The following GAP43 variants were observed in gnomAD, a reference collection of about 807,000 sequenced individuals.
GAP43 encodes the protein growth associated protein 43, also known as neuromodulin.
Under a neutral mutation model 18.6 loss-of-function variants are expected in GAP43, and 6 were observed. The observed-to-expected ratio is 0.32, with a 90% CI of 0.18 to 0.64. GAP43 has a LOEUF of 0.64. GAP43 is among the 30% of genes least tolerant of loss of function. GAP43 has a pLI of 0.78. For missense variants in GAP43, 292 were observed against 295.5 expected (o/e 0.99, Z 0.09); for synonymous variants, 115 against 111.4 (o/e 1.03, Z -0.20).
At chr3:115,647,797 C>A (rs1223293820) in intron 1 of GAP43, among the ~76,000 whole-genome samples, 1 of 149,942 alleles carries the variant, frequency 6.7e-6, no homozygotes, top group Non-Finnish European at 1.5e-5. Flanking sequence ...GAACTTTGTG[C>A]CATTAGCAGC....
At chr3:115,697,219 G>A (rs187306726) in intron 2 of GAP43, among the ~76,000 whole-genome samples, 49 of 137,492 alleles carry the variant, frequency 3.6e-4, no homozygotes, top group Non-Finnish European at 7.0e-4. Flanking sequence ...TAAACTTCAT[G>A]AAGACAGGGT....
At position 115,623,669 on chromosome 3, in the gene GAP43, A is replaced by G. The variant is rs1708142984; in HGVS notation, c.-21A>G. On this transcript the variant is annotated 5_prime_UTR_variant, in exon 1 of 3. Coordinates refer to ENST00000305124, the MANE Select transcript of GAP43 (RefSeq NM_002045.4). ...GAAGGAAAGGAGAGAAGGCAGGAAG[A>G]AGGCAAGGGACGAGACAACCATGCT... 18 of 1,614,078 alleles carry G rather than the reference A, an allele frequency of 1.1e-5. No homozygotes were observed. Among genetic ancestry groups the G allele is most frequent in the Non-Finnish European group, 1.5e-5 (18 of 1,179,920 alleles).
At chr3:115,702,672 T>C (rs1577000219) in intron 2 of GAP43, among the ~76,000 whole-genome samples, 1 of 152,022 alleles carries the variant, frequency 6.6e-6, no homozygotes, top group African/African-American at 2.4e-5. Context: ...TCAGGTAATT[T>C]TGTGTTGTTT....
At chr3:115,632,421 A>T (rs1708271508) in intron 1 of GAP43, among the ~76,000 whole-genome samples, 2 of 152,168 alleles carry the variant, frequency 1.3e-5, no homozygotes, top group Admixed American at 6.5e-5. Flanking sequence ...GGTGATATGT[A>T]ATCCTAAACC....
At chr3:115,675,975 AT>A in intron 1 of GAP43, 37 bp from the exon 2 acceptor site, 6 of 1,555,704 alleles carry the variant, frequency 3.9e-6, no homozygotes, top group Non-Finnish European at 4.3e-6. Context: ...GAAGAATGTC[AT>A]TGAAGCCCTC....
intron 1 of GAP43, among the ~76,000 whole-genome samples, chr3:115,652,473 C>T (rs1230821141): frequency 6.9e-6 from 1 of 144,842 alleles, no homozygotes; most frequent in East Asian, 2.2e-4. Context: ...ACACCCTCAA[C>T]TTCTGGGATC....
chr3:115,682,291 A>G (rs1708967275), intron 2 of GAP43, among the ~76,000 whole-genome samples: 1 of 152,228 alleles, frequency 6.6e-6, no homozygotes, highest in Admixed American at 6.5e-5. Flanking sequence ...TACTGACTCC[A>G]TCAAATACAT....
At chr3:115,692,573 G>C (rs771931389) in intron 2 of GAP43, among the ~76,000 whole-genome samples, 23 of 152,208 alleles carry the variant, frequency 1.5e-4, no homozygotes, top group Non-Finnish European at 2.4e-4. Context: ...GACCACGATA[G>C]TGGGTAGGGT....
At chr3:115,711,645 A>G (rs1280962204) in intron 2 of GAP43, among the ~76,000 whole-genome samples, 1 of 152,132 alleles carries the variant, frequency 6.6e-6, no homozygotes, top group Non-Finnish European at 1.5e-5. Context: ...TCTCAGTGCC[A>G]TTGGAACCAT....
At chr3:115,685,012 C>G (rs1341500110) in intron 2 of GAP43, among the ~76,000 whole-genome samples, 1 of 152,112 alleles carries the variant, frequency 6.6e-6, no homozygotes, top group African/African-American at 2.4e-5. Context: ...AGCTTCATGT[C>G]TGTGTTGTTT....
chr3:115,708,484 G>T (rs1483799334), intron 2 of GAP43, among the ~76,000 whole-genome samples: 4 of 152,216 alleles, frequency 2.6e-5, no homozygotes, highest in Non-Finnish European at 5.9e-5. Context: ...GAATTCTTGT[G>T]CATATAATTT....
chr3:115,626,610 G>T lies in GAP43; in HGVS notation c.30+2891G>T, dbSNP rs575985282. Among the ~76,000 whole-genome samples the T allele has an allele frequency of 3.2e-3, 483 of 152,256 alleles. 1 individual carries two copies. Among genetic ancestry groups the T allele is most frequent in the African/African-American group, 0.011 (467 of 41,540 alleles). On this transcript the variant is annotated intron_variant, in intron 1 of 2. Coordinates refer to ENST00000305124, the MANE Select transcript of GAP43 (RefSeq NM_002045.4). ...ACTTTAAATAGCTTAATTGCCATGT[G>T]TATTGCAGATGATTAAAAACTTGGC...
intron 1 of GAP43, among the ~76,000 whole-genome samples, chr3:115,635,772 C>A (rs1708321417): frequency 6.6e-6 from 1 of 151,448 alleles, no homozygotes; most frequent in African/African-American, 2.4e-5. Context: ...TATGCATAAC[C>A]AAACTTAGGA....
intron 2 of GAP43, among the ~76,000 whole-genome samples, chr3:115,713,820 TG>T (rs1345410772): frequency 1.3e-5 from 2 of 152,236 alleles, no homozygotes; most frequent in Non-Finnish European, 2.9e-5. Flanking sequence ...TGTCTTAGTG[TG>T]GTTTTGATCT....
chr3:115,720,856 C>T lies in GAP43; in HGVS notation c.691C>T (p.Pro231Ser), dbSNP rs1247537709. Residue 231 changes from proline to serine, a missense_variant, in exon 3 of 3, where the codon CCT (proline) becomes TCT (serine). Pro to Ser is a moderately conservative substitution (Grantham distance 74). Coordinates refer to ENST00000305124, the MANE Select transcript of GAP43 (RefSeq NM_002045.4). ...GCAGGACGAGGGTAAAGAAGAGGAA[C>T]CTGAGGCTGACCAAGAACATGCCTG... ...ARQDEGKEEE[P>S]EADQEHA 1 of 1,612,648 alleles carries T rather than the reference C, an allele frequency of 6.2e-7. No individual in the cohort carries two copies. The highest frequency in any genetic ancestry group is 8.5e-7 in the Non-Finnish European group (1 of 1,179,146).
intron 1 of GAP43, among the ~76,000 whole-genome samples, chr3:115,665,971 T>C (rs1056163224): frequency 1.0e-4 from 15 of 149,952 alleles, no homozygotes; most frequent in Middle Eastern, 3.4e-3. Context: ...ATACTGTATA[T>C]GAAATAGTGG....
rs142979744 is a variant in GAP43, at chr3:115,697,057, T to C, written c.628+20447T>C. On this transcript the variant is annotated intron_variant, in intron 2 of 2. Transcript: ENST00000305124. ...CTCCACCATATTGGTCAGGATGGTCTCAAACTCCTGACCTCAAGTGATCCA... is the reference window on the plus strand; with the variant it reads ...CTCCACCATATTGGTCAGGATGGTCCCAAACTCCTGACCTCAAGTGATCCA... 9.4e-3 allele frequency among the ~76,000 whole-genome samples: 1,437 copies of C among 152,138 alleles called. 24 individuals carry two copies. The highest frequency in any genetic ancestry group is 0.033 in the African/African-American group (1,386 of 41,498).
rs1263644111 is a variant in GAP43 at position 115,683,143 on chromosome 3, G to GCACACA, written c.628+6534_628+6535insACACAC. The stretch of plus-strand genomic sequence containing the variant: ...TACATGTGCGCGCGCGTGCGCGCGC[G>GCACACA]CGCGCACACACACACACACACACAC... On this transcript the variant is annotated intron_variant, in intron 2 of 2. Transcript: ENST00000305124. Among the ~76,000 whole-genome samples, 392 of 126,088 alleles carry GCACACA rather than the reference G, an allele frequency of 3.1e-3. 3 individuals are homozygous for GCACACA. Among genetic ancestry groups the GCACACA allele is most frequent in the Non-Finnish European group, 4.5e-3 (268 of 59,708 alleles). The allele number at this position is 126,088 out of a possible 152,430, so 82.7% of individuals were successfully genotyped here. A position where few individuals can be genotyped will look rare whatever the true frequency, so the allele number is the denominator to read the frequency against.
At chr3:115,698,178 A>G in intron 2 of GAP43, among the ~76,000 whole-genome samples, 1 of 39,652 alleles carries the variant, frequency 2.5e-5, no homozygotes, top group South Asian at 5.2e-4. Context: ...ATATTAAATA[A>G]TATATATATT....
Sources: allele counts gnomAD v4.1 joint callset (sites outside exome capture counted in the v4.1 genomes callset), GRCh38; gene constraint gnomAD v4.1.1; transcripts MANE v1.5; gene names NCBI Gene and HGNC (gene_info 2026-07-23, HGNC 2026-07-21).